The following AGPS variants were observed in gnomAD, a reference collection of about 807,000 sequenced individuals.
AGPS encodes the protein alkyldihydroxyacetonephosphate synthase, peroxisomal.
Under a neutral mutation model 90.7 loss-of-function variants are expected in AGPS, and 26 were observed. The observed-to-expected ratio is 0.29, with a 90% confidence interval of 0.21 to 0.40. AGPS has a LOEUF of 0.40. Among genes scored for constraint, AGPS ranks in the 10% least tolerant of loss-of-function variants. AGPS has a pLI of 1.00. For synonymous variants in AGPS, 294 were observed against 285.3 expected (o/e 1.03, Z -0.31); for missense variants, 540 against 816.1 (o/e 0.66, Z 4.12).
chr2:177,505,902 C>G (rs911684855), intron 15 of AGPS, among the ~76,000 whole-genome samples: 1 of 151,788 alleles, frequency 6.6e-6, no homozygotes. Flanking sequence ...CAACACTCTT[C>G]ACTTAATAAT....
intron 8 of AGPS, among the ~76,000 whole-genome samples, chr2:177,454,386 A>T (rs1410249144): frequency 1.3e-5 from 2 of 151,694 alleles, no homozygotes; most frequent in African/African-American, 4.8e-5. Context: ...TCATCTCCAG[A>T]TGTTTAATTT....
At chr2:177,438,924 A>C (rs900403170) in intron 5 of AGPS, among the ~76,000 whole-genome samples, 1 of 152,038 alleles carries the variant, frequency 6.6e-6, no homozygotes, top group Non-Finnish European at 1.5e-5. Context: ...TGAGACAATG[A>C]AGAAATTTGA....
Position 177,538,066 on chromosome 2 carries a change from T to A in AGPS, c.1856-8T>A. ...TATATTGAAGCATTTTTGATTTTGT[T>A]TTTCCAGTGGGCAAGTTACGGAAGC... On this transcript the variant is annotated splice_polypyrimidine_tract_variant and splice_region_variant and intron_variant, in intron 19 of 19. Transcript: ENST00000264167. 1.2e-6 allele frequency: 2 copies of A among 1,612,990 alleles called. No homozygotes were observed. Among genetic ancestry groups the A allele is most frequent in the Non-Finnish European group, 1.7e-6 (2 of 1,179,170 alleles).
chr2:177,472,985 G>A (rs888100285), intron 10 of AGPS, among the ~76,000 whole-genome samples: 3 of 152,178 alleles, frequency 2.0e-5, no homozygotes, highest in African/African-American at 7.2e-5. Context: ...TTGCACTTTT[G>A]TTTTCTGGGA....
intron 5 of AGPS, among the ~76,000 whole-genome samples, chr2:177,440,351 A>G (rs1441437255): frequency 1.3e-5 from 2 of 152,130 alleles, no homozygotes; most frequent in African/African-American, 4.8e-5. Context: ...GTGCCTCTAG[A>G]TGTAATGCAC....
In AGPS at chr2:177,436,826, T is replaced by G; in HGVS notation, c.504T>G (p.Leu168=). 1 of 1,612,086 alleles carries G rather than the reference T, an allele frequency of 6.2e-7. No homozygotes were observed. The highest frequency in any genetic ancestry group is 8.5e-7 in the Non-Finnish European group (1 of 1,178,458). ...SVVNEDFLHD[L]KETNISYSQE... is the part of the protein sequence containing the mutation. ...TAAATGAAGATTTTCTTCATGACCT[T>G]AAAGAAACTAATATTTCATATTCAC... Residue 168 remains leucine (L), a synonymous_variant, in exon 4 of 20, where the codon CTT becomes CTG. Transcript: ENST00000264167.
At chr2:177,480,203 T>A (rs1395565452) in intron 10 of AGPS, among the ~76,000 whole-genome samples, 1 of 152,020 alleles carries the variant, frequency 6.6e-6, no homozygotes, top group African/African-American at 2.4e-5. Flanking sequence ...AAAATACCAT[T>A]TGACCCAGCA....
At chr2:177,488,236 G>A (rs1034891845) in intron 11 of AGPS, among the ~76,000 whole-genome samples, 10 of 147,962 alleles carry the variant, frequency 6.8e-5, no homozygotes, top group African/African-American at 1.2e-4. Context: ...TTTTTGAGAC[G>A]GATTCTCTCT....
chr2:177,499,939 G>A (rs535468185), intron 14 of AGPS, among the ~76,000 whole-genome samples: 95 of 151,804 alleles, frequency 6.3e-4, no homozygotes, highest in Admixed American at 2.9e-3. Flanking sequence ...GAATTTTTAG[G>A]AAGTTAGATT....
intron 17 of AGPS, among the ~76,000 whole-genome samples, chr2:177,517,344 A>G (rs1689047876): frequency 6.6e-6 from 1 of 152,186 alleles, no homozygotes. Flanking sequence ...CATTTGGTAC[A>G]ATCATCCTAT....
intron 1 of AGPS, among the ~76,000 whole-genome samples, chr2:177,400,001 A>C (rs1685289066): frequency 6.6e-6 from 1 of 152,200 alleles, no homozygotes; most frequent in Non-Finnish European, 1.5e-5. Flanking sequence ...TCTGTTATTG[A>C]TGAACATTTA....
intron 1 of AGPS, among the ~76,000 whole-genome samples, chr2:177,407,228 T>C (rs1685492639): frequency 6.6e-6 from 1 of 152,214 alleles, no homozygotes; most frequent in South Asian, 2.1e-4. Flanking sequence ...CTTAGCTTTA[T>C]AGTGTTATGC....
At position 177,539,410 on chromosome 2, in the gene AGPS, G is replaced by T. The variant is rs1044629280; in HGVS notation, c.*1215G>T. On this transcript the variant is annotated 3_prime_UTR_variant, in exon 20 of 20. Transcript: ENST00000264167. ...GCAAGCATTTGTACATTCAAACCTG[G>T]ATATTAAAGTGAAATGATTACTTTG... is the stretch of plus-strand genomic sequence containing the variant. 3.3e-4 allele frequency: 50 copies of T among 151,886 alleles called. No homozygotes were observed. The highest frequency in any genetic ancestry group is 1.2e-3 in the African/African-American group (49 of 41,374). 9.4% of individuals were successfully genotyped at this position (151,886 alleles called of 1,614,324 possible). A position where few individuals can be genotyped will look rare whatever the true frequency, so the allele number is the denominator to read the frequency against.
intron 19 of AGPS, among the ~76,000 whole-genome samples, chr2:177,535,191 G>A (rs530392874): frequency 2.0e-5 from 3 of 152,256 alleles, no homozygotes; most frequent in Admixed American, 2.0e-4. Context: ...TAGGCTTTAT[G>A]TGGTATGTGT....
chr2:177,454,138 A>T (rs187002939), intron 8 of AGPS, among the ~76,000 whole-genome samples: 2 of 151,374 alleles, frequency 1.3e-5, no homozygotes, highest in East Asian at 3.9e-4. Flanking sequence ...CAAATTTTGA[A>T]AAACTTTGTC....
At chr2:177,524,160 C>G (rs1381673963) in intron 19 of AGPS, among the ~76,000 whole-genome samples, 1 of 152,116 alleles carries the variant, frequency 6.6e-6, no homozygotes, top group Non-Finnish European at 1.5e-5. Context: ...TTTTCAGCCA[C>G]TATCGGAATG....
chr2:177,447,405 A>C (rs1686809012), intron 8 of AGPS, among the ~76,000 whole-genome samples: 1 of 152,140 alleles, frequency 6.6e-6, no homozygotes, highest in Admixed American at 6.5e-5. Flanking sequence ...ATTATAGTTT[A>C]TAATGAACTT....
intron 1 of AGPS, among the ~76,000 whole-genome samples, chr2:177,415,363 A>G (rs1176634284): frequency 6.6e-6 from 1 of 152,162 alleles, no homozygotes; most frequent in Non-Finnish European, 1.5e-5. Context: ...AGCTTACTAC[A>G]TGATTGCTCT....
At chr2:177,453,690 ATTTTTTT>A (rs11401105) in intron 8 of AGPS, among the ~76,000 whole-genome samples, 8 of 90,520 alleles carry the variant, frequency 8.8e-5, no homozygotes, top group Non-Finnish European at 1.4e-4. Context: ...ATCAGTAGTA[ATTTTTTT>A]TTTTTTTTTT....
Sources: gnomAD v4.1 joint callset for allele counts (sites outside exome capture counted in the v4.1 genomes callset) on GRCh38, gnomAD v4.1.1 for gene constraint, MANE v1.5 for transcripts, NCBI Gene and HGNC (gene_info 2026-07-23, HGNC 2026-07-21) for gene names.